NCALD: variants seen among roughly 807,000 people sequenced by gnomAD.
NCALD encodes neurocalcin delta, also known as neurocalcin-delta.
NCALD carries 10 observed loss-of-function variants against 18.6 expected under a neutral mutation model. The ratio of observed to expected loss-of-function variants is 0.54; its 90% CI spans 0.33 to 0.91. The LOEUF (loss-of-function observed/expected upper bound fraction) is 0.91. NCALD is among the 40% of genes least tolerant of loss of function. NCALD has a pLI of 0.03. For synonymous variants in NCALD, 88 were observed against 87.4 expected, an observed-to-expected ratio of 1.01 and a Z score of -0.04; for missense variants, 184 against 247.6, an observed-to-expected ratio of 0.74 and a Z score of 1.72.
intron 4 of NCALD, among the ~76,000 whole-genome samples, chr8:101,879,111 T>A (rs1272234869): frequency 6.6e-6 from 1 of 152,160 alleles, no homozygotes; most frequent in Non-Finnish European, 1.5e-5. Context: ...TTGAATGGGG[T>A]ATAGAATGGT....
intron 2 of NCALD, among the ~76,000 whole-genome samples, chr8:101,993,370 A>T (rs1293036488): frequency 6.6e-6 from 1 of 152,156 alleles, no homozygotes; most frequent in Non-Finnish European, 1.5e-5. Flanking sequence ...GTAAACTACT[A>T]GGTTGGTAAC....
chr8:102,002,337 T>C (rs979449934), intron 2 of NCALD, among the ~76,000 whole-genome samples: 18 of 152,144 alleles, frequency 1.2e-4, no homozygotes, highest in Non-Finnish European at 2.2e-4. Flanking sequence ...CTATCCTAAA[T>C]ATATATGCAC....
chr8:101,980,561 A>G (rs1439694857), intron 2 of NCALD, among the ~76,000 whole-genome samples: 1 of 152,240 alleles, frequency 6.6e-6, no homozygotes, highest in Non-Finnish European at 1.5e-5. Context: ...AGGAATAGCC[A>G]AAAGGACTGG....
At chr8:101,835,142 T>A (rs1414366139) in intron 4 of NCALD, among the ~76,000 whole-genome samples, 2 of 151,822 alleles carry the variant, frequency 1.3e-5, no homozygotes, top group African/African-American at 4.9e-5. Context: ...TAAAAAGCAG[T>A]GTGCTTGGTT....
chr8:101,969,087 G>T (rs1399135334), intron 2 of NCALD, among the ~76,000 whole-genome samples: 1 of 152,186 alleles, frequency 6.6e-6, no homozygotes, highest in Non-Finnish European at 1.5e-5. Context: ...CTCTGCAAGT[G>T]AGGAAAGCCC....
chr8:101,969,312 A>G (rs1820149876), intron 2 of NCALD, among the ~76,000 whole-genome samples: 1 of 152,216 alleles, frequency 6.6e-6, no homozygotes, highest in Non-Finnish European at 1.5e-5. Context: ...TAGCTGGTGA[A>G]TTCACTACTC....
intron 4 of NCALD, among the ~76,000 whole-genome samples, chr8:101,810,439 C>T (rs971243256): frequency 6.6e-6 from 1 of 151,984 alleles, no homozygotes. Context: ...TCCAGTTTAC[C>T]CTAAGTTATG....
chr8:101,837,119 T>C (rs762870001), intron 4 of NCALD, among the ~76,000 whole-genome samples: 9 of 152,164 alleles, frequency 5.9e-5, no homozygotes, highest in Admixed American at 1.3e-4. Flanking sequence ...AACTCTCCAT[T>C]GCCAATCACT....
intron 2 of NCALD, among the ~76,000 whole-genome samples, chr8:102,000,260 C>T (rs1414563058): frequency 2.6e-5 from 4 of 152,132 alleles, no homozygotes; most frequent in African/African-American, 7.2e-5. Flanking sequence ...CCTACACCCA[C>T]GGAGCCGTGC....
intron 2 of NCALD, among the ~76,000 whole-genome samples, chr8:101,956,907 T>C (rs1819649482): frequency 6.6e-6 from 1 of 152,150 alleles, no homozygotes; most frequent in South Asian, 2.1e-4. Context: ...AGTTTACAAT[T>C]TAATAAAATA....
At chr8:101,705,760 A>G (rs79061164) in intron 2 of NCALD, among the ~76,000 whole-genome samples, 3,935 of 152,322 alleles carry the variant, frequency 0.026, 134 homozygotes, top group African/African-American at 0.078. Flanking sequence ...GAGACTACAC[A>G]GAGGCACAGA....
chr8:101,895,868 T>C (rs1184900833), intron 3 of NCALD, among the ~76,000 whole-genome samples: 5 of 147,776 alleles, frequency 3.4e-5, no homozygotes, highest in Non-Finnish European at 5.9e-5. Flanking sequence ...TAAAAGAGGA[T>C]ACAAACAAAT....
chr8:101,758,963 C>T (rs1016433892), intron 1 of NCALD, among the ~76,000 whole-genome samples: 9 of 152,226 alleles, frequency 5.9e-5, no homozygotes, highest in African/African-American at 2.2e-4. Context: ...TCCAGTGGCC[C>T]AATTGGATAA....
At chr8:102,082,431 C>G (rs1824580362) in intron 1 of NCALD, among the ~76,000 whole-genome samples, 1 of 151,798 alleles carries the variant, frequency 6.6e-6, no homozygotes, top group African/African-American at 2.4e-5. Context: ...CTCTCTGTCC[C>G]TGCCAGAAAT....
chr8:101,739,497 T>C (rs1441468906), intron 1 of NCALD, among the ~76,000 whole-genome samples: 1 of 152,132 alleles, frequency 6.6e-6, no homozygotes, highest in East Asian at 1.9e-4. Context: ...TTTGAGTCAG[T>C]GGACTGGGAG....
intron 2 of NCALD, among the ~76,000 whole-genome samples, chr8:101,954,044 C>T (rs972959999): frequency 2.0e-5 from 3 of 152,198 alleles, no homozygotes; most frequent in African/African-American, 7.2e-5. Flanking sequence ...AGACACAGTC[C>T]TGGCCTTCTA....
chr8:101,760,648 C>T (rs1811074229), intron 1 of NCALD, among the ~76,000 whole-genome samples: 1 of 152,184 alleles, frequency 6.6e-6, no homozygotes, highest in Non-Finnish European at 1.5e-5. Context: ...CATACAGCAA[C>T]TCAGCTTTAA....
At chr8:101,703,182 C>G (rs1230351212) in intron 2 of NCALD, among the ~76,000 whole-genome samples, 1 of 151,738 alleles carries the variant, frequency 6.6e-6, no homozygotes, top group Non-Finnish European at 1.5e-5. Flanking sequence ...AAACAAGTAG[C>G]CTAGAATGCT....
chr8:102,063,248 C>T (rs1823903377), intron 1 of NCALD, among the ~76,000 whole-genome samples: 1 of 152,182 alleles, frequency 6.6e-6, no homozygotes, highest in South Asian at 2.1e-4. Flanking sequence ...CATGCCTGAG[C>T]TGCCACGTGC....
Sources: allele counts gnomAD v4.1 joint callset (sites outside exome capture counted in the v4.1 genomes callset), GRCh38; gene constraint gnomAD v4.1.1; transcripts MANE v1.5; gene names NCBI Gene and HGNC (gene_info 2026-07-23, HGNC 2026-07-21).